Variants in TRPM8 observed in about 807,000 individuals in gnomAD.
The protein encoded by TRPM8 is transient receptor potential cation channel subfamily M member 8.
TRPM8 carries 110 observed loss-of-function variants against 133.7 expected under a neutral mutation model. The observed-to-expected ratio is 0.82, with a 90% CI of 0.70 to 0.96. The LOEUF (loss-of-function observed/expected upper bound fraction) is 0.96. Among genes scored for constraint, TRPM8 ranks in the 40% least tolerant of loss-of-function variants. TRPM8 has a pLI of 0.00. For missense variants in TRPM8, 1,291 were observed against 1,379.5 expected (o/e 0.94, Z 1.02); for synonymous variants, 535 against 532.3 (o/e 1.01, Z -0.07).
At chr2:233,927,439 T>C (rs1376803587) in intron 2 of TRPM8, among the ~76,000 whole-genome samples, 1 of 152,178 alleles carries the variant, frequency 6.6e-6, no homozygotes, top group Non-Finnish European at 1.5e-5. Flanking sequence ...GCACCCCTGA[T>C]GCAAAAGTTA....
chr2:233,927,591 C>T (rs1304679983), intron 2 of TRPM8, among the ~76,000 whole-genome samples: 1 of 152,138 alleles, frequency 6.6e-6, no homozygotes, highest in Non-Finnish European at 1.5e-5. Flanking sequence ...GGTAGCTTTT[C>T]CAGCGTTTAC....
At chr2:233,971,792 C>A (rs986255121) in intron 17 of TRPM8, among the ~76,000 whole-genome samples, 11 of 152,044 alleles carry the variant, frequency 7.2e-5, no homozygotes, top group Admixed American at 5.9e-4. Context: ...TGAGCAGTAG[C>A]AAGATTTATT....
intron 11 of TRPM8, among the ~76,000 whole-genome samples, chr2:233,959,176 C>T (rs1481249489): frequency 1.3e-5 from 2 of 151,918 alleles, no homozygotes; most frequent in Non-Finnish European, 2.9e-5. Flanking sequence ...CAGGCGTGCG[C>T]CACCACGCCC....
intron 21 of TRPM8, among the ~76,000 whole-genome samples, chr2:233,990,198 T>G (rs1435397196): frequency 6.6e-6 from 1 of 152,244 alleles, no homozygotes. Flanking sequence ...GTTCAAGTGC[T>G]TTACAGGGGT....
chr2:233,969,991 G>T, intron 16 of TRPM8, 184 bp downstream of exon 16: 1 of 666,440 alleles, frequency 1.5e-6, no homozygotes. Flanking sequence ...AATGGGTAGG[G>T]GTGGGGTTGT....
intron 17 of TRPM8, among the ~76,000 whole-genome samples, chr2:233,977,499 GTGCCTACC>G (rs1490249120): frequency 2.0e-5 from 3 of 152,330 alleles, no homozygotes; most frequent in African/African-American, 7.2e-5. Flanking sequence ...GGCTGGGGCA[GTGCCTACC>G]TGCCTCCCAG....
chr2:233,981,827 T>C lies in TRPM8; in HGVS notation c.2501T>C (p.Leu834Pro), dbSNP rs1692016830. ...TATTCTGGACGAGTCATTTTCTGTC[T>C]GGACTACATTATTTTCACTCTAAGA... ...SLYSGRVIFC[L>P]DYIIFTLRLI... The change falls in exon 19 of 26, where the codon CTG becomes CCG. Residue 834 changes from leucine to proline, a missense_variant. Physicochemically the swap from Leu to Pro is moderately conservative, Grantham distance 98. This residue lies in a region of TRPM8 where 328 missense variants were observed against 410.6 expected (regional missense o/e 0.80). Coordinates refer to ENST00000324695, the MANE Select transcript of TRPM8 (RefSeq NM_024080.5). The C allele has an allele frequency of 1.9e-6, 3 of 1,613,772 alleles. No homozygotes were observed. Among genetic ancestry groups the C allele is most frequent in the Admixed American group, 1.7e-5 (1 of 59,966 alleles).
intron 11 of TRPM8, among the ~76,000 whole-genome samples, chr2:233,958,808 A>G (rs1236357205): frequency 6.6e-6 from 1 of 152,118 alleles, no homozygotes; most frequent in Non-Finnish European, 1.5e-5. Context: ...ATTAGGCAGG[A>G]ACAAAACTAA....
intron 21 of TRPM8, 141 bp downstream of exon 21, chr2:233,986,006 G>A (rs1692140951): frequency 1.0e-5 from 8 of 764,276 alleles, no homozygotes; most frequent in Non-Finnish European, 1.2e-5. Flanking sequence ...GGACTGGAGG[G>A]AGTGGGGCCT....
intron 15 of TRPM8, among the ~76,000 whole-genome samples, chr2:233,968,731 T>C (rs1444287771): frequency 6.6e-6 from 1 of 151,904 alleles, no homozygotes; most frequent in Non-Finnish European, 1.5e-5. Context: ...TGACGGGCTA[T>C]TTTTTGAGAG....
At position 234,006,959 on chromosome 2, in the gene TRPM8, C is replaced by T. The variant is rs1481085344; in HGVS notation, c.3230+7C>T. Reference sequence around the variant, plus strand: ...CCAACGACACCTCAGAGGAGTATGTCAGACATCCCTTTCTGCTTTGCAAGG... The same window carrying T: ...CCAACGACACCTCAGAGGAGTATGTTAGACATCCCTTTCTGCTTTGCAAGG... On this transcript the variant is annotated splice_region_variant and intron_variant, in intron 23 of 25. Coordinates refer to ENST00000324695, the MANE Select transcript of TRPM8 (RefSeq NM_024080.5). The T allele has an allele frequency of 3.7e-6, 6 of 1,608,620 alleles. No individual in the cohort carries two copies. Among genetic ancestry groups the T allele is most frequent in the Non-Finnish European group, 5.1e-6 (6 of 1,175,380 alleles).
chr2:233,995,188 A>G (rs77334461), intron 21 of TRPM8, among the ~76,000 whole-genome samples: 5,222 of 152,320 alleles, frequency 0.034, 108 homozygotes, highest in Non-Finnish European at 0.049. Context: ...TTGTGCCTCC[A>G]TTTCCTGATC....
chr2:233,973,468 C>A (rs1332221467), intron 17 of TRPM8, among the ~76,000 whole-genome samples: 1 of 152,178 alleles, frequency 6.6e-6, no homozygotes, highest in Non-Finnish European at 1.5e-5. Flanking sequence ...ATGGGTGACT[C>A]CTGCATGAGT....
Position 233,939,015 on chromosome 2 carries a change from C to A in TRPM8, c.366C>A (p.Cys122Ter), listed in dbSNP as rs745885016. The A allele has an allele frequency of 1.9e-6, 3 of 1,614,060 alleles. No individual in the cohort carries two copies. In the South Asian group the frequency reaches 3.3e-5, roughly 18 times the overall value. ...GKKGKYIRLS[C>*]DTDAEILYEL... is the part of the protein sequence containing the mutation. Reference sequence around the variant, plus strand: ...CCCCATAGTATATACGTCTGTCCTGCGACACGGACGCGGAAATCCTTTACG... The same window carrying A: ...CCCCATAGTATATACGTCTGTCCTGAGACACGGACGCGGAAATCCTTTACG... Residue 122 changes from cysteine (C) to a stop codon, truncating the protein, a stop_gained, in exon 5 of 26, where the codon TGC becomes TGA. Coordinates refer to ENST00000324695, the MANE Select transcript of TRPM8 (RefSeq NM_024080.5). LOFTEE classifies it high-confidence loss of function.
chr2:233,963,693 G>A (rs768381701), intron 13 of TRPM8, among the ~76,000 whole-genome samples: 1 of 152,182 alleles, frequency 6.6e-6, no homozygotes, highest in African/African-American at 2.4e-5. Flanking sequence ...ATCGCATTAT[G>A]GACGGGAGGT....
chr2:233,964,822 C>T (rs772740749), intron 14 of TRPM8, 65 bp downstream of exon 14: 117 of 1,500,816 alleles, frequency 7.8e-5, no homozygotes, highest in Non-Finnish European at 9.6e-5. Context: ...ACATTGCCAG[C>T]GGCACTCATA....
intron 21 of TRPM8, among the ~76,000 whole-genome samples, chr2:233,992,457 A>G (rs1692303292): frequency 6.6e-6 from 1 of 152,106 alleles, no homozygotes; most frequent in African/African-American, 2.4e-5. Context: ...TATTCTTTTA[A>G]GGTACTTCTG....
intron 1 of TRPM8, among the ~76,000 whole-genome samples, chr2:233,922,217 A>G (rs2125026952): frequency 6.6e-6 from 1 of 152,252 alleles, no homozygotes; most frequent in Non-Finnish European, 1.5e-5. Flanking sequence ...TTGTGCAAAA[A>G]TAGCTGTGCT....
chr2:234,014,289 T>C (rs1692907219), intron 24 of TRPM8, among the ~76,000 whole-genome samples: 3 of 152,200 alleles, frequency 2.0e-5, no homozygotes, highest in Non-Finnish European at 4.4e-5. Context: ...CTATTATTTC[T>C]GTTTGGGAGC....
Sources: allele counts gnomAD v4.1 joint callset (sites outside exome capture counted in the v4.1 genomes callset), GRCh38; gene constraint gnomAD v4.1.1; regional missense constraint gnomAD v4.1.1; transcripts MANE v1.5; gene names NCBI Gene and HGNC (gene_info 2026-07-23, HGNC 2026-07-21).